CNTN5: variants seen among roughly 807,000 people sequenced by gnomAD.
CNTN5 encodes the protein contactin 5.
A neutral mutation model predicts 129.1 loss-of-function variants in CNTN5; 77 were observed. The observed-to-expected ratio is 0.60, with a 90% CI of 0.50 to 0.72. CNTN5 has a LOEUF of 0.72. Ranked by LOEUF, CNTN5 falls within the 30% of genes least tolerant of loss-of-function variation. CNTN5 has a pLI of 0.00. For synonymous variants in CNTN5, 509 were observed against 465.6 expected, an observed-to-expected ratio of 1.09 and a Z score of -1.20; for missense variants, 1,478 against 1,328.8, an observed-to-expected ratio of 1.11 and a Z score of -1.75.
At chr11:99,944,137 T>C (rs1359324000) in intron 7 of CNTN5, among the ~76,000 whole-genome samples, 1 of 151,866 alleles carries the variant, frequency 6.6e-6, no homozygotes, top group Non-Finnish European at 1.5e-5. Flanking sequence ...GGCAGTATGG[T>C]CATTTTCATA....
chr11:99,932,934 C>T lies in CNTN5; in HGVS notation c.673+16785C>T, dbSNP rs141618364. ...ACTGCACAACAGTCATTTATGACATCTTATTTTTCCTACTCGATGTAGGCT... is the reference window on the plus strand; with the variant it reads ...ACTGCACAACAGTCATTTATGACATTTTATTTTTCCTACTCGATGTAGGCT... On this transcript the variant is annotated intron_variant, in intron 7 of 24. Coordinates refer to ENST00000524871, the MANE Select transcript of CNTN5 (RefSeq NM_014361.4). Among the ~76,000 whole-genome samples, 650 of 152,268 alleles carry T rather than the reference C, an allele frequency of 4.3e-3. 7 individuals are homozygous for T. Among genetic ancestry groups the T allele is most frequent in the South Asian group, 0.028 (135 of 4,824 alleles).
intron 3 of CNTN5, among the ~76,000 whole-genome samples, chr11:99,629,755 T>C (rs1320752107): frequency 4.0e-5 from 6 of 151,854 alleles, no homozygotes; most frequent in African/African-American, 1.4e-4. Flanking sequence ...AAATATAAAA[T>C]GAGATACTCA....
chr11:100,355,151 AAAC>A (rs1952493790), intron 24 of CNTN5, among the ~76,000 whole-genome samples: 1 of 151,846 alleles, frequency 6.6e-6, no homozygotes, highest in African/African-American at 2.4e-5. Context: ...CAGATTAAAA[AAAC>A]ATTTTCTTTA....
rs368767852 is a variant in CNTN5, at chr11:99,894,593, AAAAC to A, written c.578-21460_578-21457del. 3.1e-4 allele frequency among the ~76,000 whole-genome samples: 47 copies of A among 151,998 alleles called. 1 individual carries two copies. The highest frequency in any genetic ancestry group is 1.1e-3 in the African/African-American group (44 of 41,516). ...AAACCAAGCAAAACAAACAAACAAA[AAAAC>A]CATGAATTCACAGCAGTTAGATCAA... On this transcript the variant is annotated intron_variant, in intron 6 of 24. Coordinates refer to ENST00000524871, the MANE Select transcript of CNTN5 (RefSeq NM_014361.4).
intron 3 of CNTN5, among the ~76,000 whole-genome samples, chr11:99,749,237 AG>A (rs1345664070): frequency 1.3e-5 from 2 of 152,186 alleles, no homozygotes; most frequent in African/African-American, 4.8e-5. Context: ...TTTTGGGAAC[AG>A]GGATTCTCAA....
chr11:100,304,022 C>G (rs1232675445), intron 20 of CNTN5, among the ~76,000 whole-genome samples: 2 of 151,534 alleles, frequency 1.3e-5, no homozygotes, highest in Non-Finnish European at 3.0e-5. Flanking sequence ...GAAGGGATCT[C>G]TTGGAAAGTC....
chr11:99,108,353 C>A (rs1591203125), intron 1 of CNTN5, among the ~76,000 whole-genome samples: 1 of 152,196 alleles, frequency 6.6e-6, no homozygotes, highest in African/African-American at 2.4e-5. Context: ...GTGCTGGCTC[C>A]TCTCCTTGGT....
intron 4 of CNTN5, among the ~76,000 whole-genome samples, chr11:99,827,239 T>C (rs1946991316): frequency 6.6e-6 from 1 of 151,998 alleles, no homozygotes; most frequent in Admixed American, 6.6e-5. Context: ...AGGCACACAC[T>C]ACCACACTCA....
intron 6 of CNTN5, among the ~76,000 whole-genome samples, chr11:99,850,046 A>T (rs1156766846): frequency 6.6e-6 from 1 of 152,136 alleles, no homozygotes; most frequent in Non-Finnish European, 1.5e-5. Context: ...ATAAGCATGC[A>T]ATCATAGTGT....
At chr11:99,588,282 T>TGCC (rs1250956680) in intron 3 of CNTN5, among the ~76,000 whole-genome samples, 1 of 141,302 alleles carries the variant, frequency 7.1e-6, no homozygotes, top group Non-Finnish European at 1.5e-5. Context: ...AGGCAGAGCT[T>TGCC]GCCGTGAGCC....
chr11:99,446,243 G>A (rs1944066590), intron 2 of CNTN5, among the ~76,000 whole-genome samples: 1 of 152,002 alleles, frequency 6.6e-6, no homozygotes, highest in Admixed American at 6.6e-5. Flanking sequence ...CTGGATTTTA[G>A]CTGTGGACAT....
At chr11:100,236,932 G>A (rs1031711701) in intron 16 of CNTN5, among the ~76,000 whole-genome samples, 13 of 152,150 alleles carry the variant, frequency 8.5e-5, no homozygotes, top group Admixed American at 2.6e-4. Context: ...GCTCACGCCT[G>A]TAATCCCAGC....
chr11:99,839,269 C>G (rs547024272), intron 4 of CNTN5, among the ~76,000 whole-genome samples: 5 of 152,196 alleles, frequency 3.3e-5, no homozygotes, highest in African/African-American at 1.2e-4. Context: ...GTCACCAGCC[C>G]TTAAAAGAAA....
At chr11:99,315,387 T>C (rs925754630) in intron 1 of CNTN5, among the ~76,000 whole-genome samples, 3 of 149,398 alleles carry the variant, frequency 2.0e-5, no homozygotes, top group East Asian at 2.0e-4. Context: ...AAGGGCAAGA[T>C]GGAATTAGAG....
chr11:99,174,054 G>T (rs1857658438), intron 1 of CNTN5, among the ~76,000 whole-genome samples: 1 of 152,158 alleles, frequency 6.6e-6, no homozygotes, highest in Admixed American at 6.5e-5. Context: ...CTGGAGTGCA[G>T]TGGCCGTGTT....
At chr11:99,648,281 C>G (rs1952036729) in intron 3 of CNTN5, among the ~76,000 whole-genome samples, 1 of 151,906 alleles carries the variant, frequency 6.6e-6, no homozygotes, top group African/African-American at 2.4e-5. Context: ...ATAAATCCCA[C>G]TTGATCATGG....
intron 2 of CNTN5, among the ~76,000 whole-genome samples, chr11:99,451,898 A>G (rs1337453999): frequency 6.6e-6 from 1 of 152,196 alleles, no homozygotes; most frequent in Non-Finnish European, 1.5e-5. Context: ...ACCTTGAAAG[A>G]GTAATTCAAT....
At chr11:99,671,090 T>TTCTC (rs1953017895) in intron 3 of CNTN5, among the ~76,000 whole-genome samples, 1 of 151,646 alleles carries the variant, frequency 6.6e-6, no homozygotes, top group African/African-American at 2.4e-5. Context: ...TTCTTGTGAG[T>TTCTC]TCTCTCGCTC....
At chr11:99,137,812 G>A (rs1399882556) in intron 1 of CNTN5, among the ~76,000 whole-genome samples, 1 of 61,782 alleles carries the variant, frequency 1.6e-5, no homozygotes, top group African/African-American at 7.3e-5. Context: ...ACATCAATCT[G>A]CCAGAAATGG....
Sources: allele counts gnomAD v4.1 joint callset (sites outside exome capture counted in the v4.1 genomes callset), GRCh38; gene constraint gnomAD v4.1.1; transcripts MANE v1.5; gene names NCBI Gene and HGNC (gene_info 2026-07-23, HGNC 2026-07-21).